SCG3: variants seen among roughly 807,000 people sequenced by gnomAD.
SCG3 encodes secretogranin III.
In SCG3, 38 loss-of-function variants were observed where a neutral mutation model predicts 56.2. The ratio of observed to expected loss-of-function variants is 0.68; its 90% confidence interval spans 0.52 to 0.89. The LOEUF is 0.89. SCG3 is among the 40% of genes least tolerant of loss of function. SCG3 has a pLI of 0.00. For synonymous variants in SCG3, 176 were observed against 184.2 expected (o/e 0.96, Z 0.36); for missense variants, 524 against 540.7 (o/e 0.97, Z 0.31).
At chr15:51,708,628 G>C (rs1209905498) in intron 10 of SCG3, among the ~76,000 whole-genome samples, 1 of 152,136 alleles carries the variant, frequency 6.6e-6, no homozygotes, top group Non-Finnish European at 1.5e-5. Context: ...GGCCGAGGAG[G>C]GCAGATCACG....
chr15:51,697,220 G>C (rs2055309515), intron 8 of SCG3, among the ~76,000 whole-genome samples: 1 of 142,648 alleles, frequency 7.0e-6, no homozygotes, highest in Non-Finnish European at 1.5e-5. Flanking sequence ...ATTACACATA[G>C]TGCTTTGGGG....
intron 1 of SCG3, 26 bp downstream of exon 1, chr15:51,681,863 A>T: frequency 2.5e-6 from 4 of 1,591,022 alleles, no homozygotes; most frequent in Non-Finnish European, 3.4e-6. Flanking sequence ...TCTTCTTCCT[A>T]CCTTCCTTTT....
intron 10 of SCG3, chr15:51,708,097 C>CCCAT (rs1473186867): frequency 2.6e-5 from 4 of 152,202 alleles, no homozygotes; most frequent in African/African-American, 9.7e-5. Context: ...TGGCCCTCCT[C>CCCAT]CCATCTGCTT....
chr15:51,697,303 G>C (rs1392844124), intron 8 of SCG3, among the ~76,000 whole-genome samples: 3 of 152,076 alleles, frequency 2.0e-5, no homozygotes, highest in Non-Finnish European at 4.4e-5. Context: ...AACACCCTGT[G>C]AGTCAGAAAT....
At chr15:51,689,074 C>A in intron 5 of SCG3, 145 bp from the exon 6 acceptor site, 1 of 818,894 alleles carries the variant, frequency 1.2e-6, no homozygotes, top group Non-Finnish European at 2.0e-6. Flanking sequence ...GCATGTGGTG[C>A]AGGCGTAAGT....
chr15:51,700,231 C>T (rs1841560727), intron 9 of SCG3, among the ~76,000 whole-genome samples: 1 of 152,160 alleles, frequency 6.6e-6, no homozygotes, highest in Non-Finnish European at 1.5e-5. Context: ...AAAAAAAATG[C>T]ATCTCTCTAC....
At chr15:51,695,515 A>C (rs2055297047) in intron 7 of SCG3, 1 of 158,632 alleles carries the variant, frequency 6.3e-6, no homozygotes, top group Non-Finnish European at 1.4e-5. Flanking sequence ...ATCTTACCCT[A>C]TATTTCCAAT....
rs762686776 is a variant in SCG3 at position 51,719,574 on chromosome 15, T to C, written c.*48T>C. On this transcript the variant is annotated 3_prime_UTR_variant, in exon 12 of 12. Coordinates refer to ENST00000220478, the MANE Select transcript of SCG3 (RefSeq NM_013243.4). ...CTTTCAACTGTTTCAGAAAACATAATATAGCTTAAAACACTTCTAATTCTG... is the reference window on the plus strand; with the variant it reads ...CTTTCAACTGTTTCAGAAAACATAACATAGCTTAAAACACTTCTAATTCTG... The C allele has an allele frequency of 3.0e-6, 4 of 1,331,390 alleles. No homozygotes were observed. The South Asian group carries it at 4.9e-5, about 16-fold the overall frequency. 82.5% of individuals were successfully genotyped at this position (1,331,390 alleles called of 1,614,324 possible). A position where few individuals can be genotyped will look rare whatever the true frequency, so the allele number is the denominator to read the frequency against.
chr15:51,706,100 A>C (rs1267795238), intron 10 of SCG3, among the ~76,000 whole-genome samples: 4 of 152,216 alleles, frequency 2.6e-5, no homozygotes, highest in African/African-American at 9.7e-5. Flanking sequence ...GTTTCATTGC[A>C]CTTTTCTCAA....
chr15:51,715,744 C>T (rs985510806), intron 11 of SCG3, among the ~76,000 whole-genome samples: 1 of 152,088 alleles, frequency 6.6e-6, no homozygotes, highest in Non-Finnish European at 1.5e-5. Context: ...CCACTGCACA[C>T]AGTAATAGCC....
At chr15:51,694,291 T>C (rs1306137911) in intron 7 of SCG3, among the ~76,000 whole-genome samples, 1 of 151,654 alleles carries the variant, frequency 6.6e-6, no homozygotes, top group Non-Finnish European at 1.5e-5. Flanking sequence ...CATAGCTTCA[T>C]GTGAGAGCCA....
chr15:51,709,699 A>ATTTTTT (rs2055404198), intron 10 of SCG3, among the ~76,000 whole-genome samples: 1 of 18,422 alleles, frequency 5.4e-5, no homozygotes, highest in Non-Finnish European at 8.8e-5. Flanking sequence ...ATATATATAT[A>ATTTTTT]TATTTTTTTT....
Position 51,689,324 on chromosome 15 carries a change from A to G in SCG3, c.646A>G (p.Thr216Ala). The G allele has an allele frequency of 2.5e-6, 4 of 1,614,018 alleles. No homozygotes were observed. Among genetic ancestry groups the G allele is most frequent in the Non-Finnish European group, 3.4e-6 (4 of 1,179,968 alleles). ...TTATGAGGAGGATCCCAATAAGCCCACAAGCTGGACTGAGAATCAGGCTGG... is the reference window on the plus strand; with the variant it reads ...TTATGAGGAGGATCCCAATAAGCCCGCAAGCTGGACTGAGAATCAGGCTGG... ...NNYEEDPNKP[T>A]SWTENQAGKI... The change falls in exon 6 of 12, where the codon ACA becomes GCA. Residue 216 changes from threonine (T) to alanine (A), a missense_variant. Coordinates refer to ENST00000220478, the MANE Select transcript of SCG3 (RefSeq NM_013243.4).
At chr15:51,695,576 T>C (rs1450893122) in intron 7 of SCG3, 1 of 203,224 alleles carries the variant, frequency 4.9e-6, no homozygotes, top group African/African-American at 2.3e-5. Flanking sequence ...GCTATAAATA[T>C]AGAGAAAAAT....
rs772007121 is a variant in SCG3, at chr15:51,692,159, A to T, written c.691A>T (p.Thr231Ser). ...NQAGKIPEKV[T>S]PMAAIQDGLA... ...TTTTATTGATTTTTCCCCACTGGAG[A>T]CTCCAATGGCAGCAATTCAAGATGG... Residue 231 changes from threonine (T) to serine (S), a missense_variant and splice_region_variant, in exon 7 of 12, where the codon ACT (threonine) becomes TCT (serine). By Grantham distance (58) the Thr-to-Ser change is moderately conservative (BLOSUM62 1). Coordinates refer to ENST00000220478, the MANE Select transcript of SCG3 (RefSeq NM_013243.4). The T allele has an allele frequency of 6.2e-7, 1 of 1,600,034 alleles. No individual in the cohort carries two copies. Among genetic ancestry groups the T allele is most frequent in the Non-Finnish European group, 8.5e-7 (1 of 1,173,706 alleles).
chr15:51,681,586 C>T lies in SCG3; in HGVS notation c.-170C>T. 1.6e-6 allele frequency: 1 copy of T among 618,968 alleles called. No homozygotes were observed. Among genetic ancestry groups the T allele is most frequent in the Non-Finnish European group, 2.9e-6 (1 of 344,992 alleles). The allele number at this position is 618,968 out of a possible 1,614,324, so 38.3% of individuals were successfully genotyped here. Reference sequence around the variant, plus strand: ...CCCGCGCGCCCCAACCCTGCTTATCCCTTGACCGTCGAGTGTCAGAGATCC... The same window carrying T: ...CCCGCGCGCCCCAACCCTGCTTATCTCTTGACCGTCGAGTGTCAGAGATCC... On this transcript the variant is annotated 5_prime_UTR_variant, in exon 1 of 12. Coordinates refer to ENST00000220478, the MANE Select transcript of SCG3 (RefSeq NM_013243.4).
chr15:51,707,262 A>G (rs1435257708), intron 10 of SCG3, among the ~76,000 whole-genome samples: 1 of 152,200 alleles, frequency 6.6e-6, no homozygotes, highest in Non-Finnish European at 1.5e-5. Context: ...TAAATATCCT[A>G]TCATCCTCAT....
chr15:51,712,870 C>G (rs935687772), intron 10 of SCG3, among the ~76,000 whole-genome samples: 7 of 152,216 alleles, frequency 4.6e-5, no homozygotes, highest in Admixed American at 4.6e-4. Context: ...GCTGCTTACA[C>G]AAAGCCACAC....
At chr15:51,715,798 A>G (rs1047648386) in intron 11 of SCG3, among the ~76,000 whole-genome samples, 1 of 151,962 alleles carries the variant, frequency 6.6e-6, no homozygotes, top group African/African-American at 2.4e-5. Flanking sequence ...AGAAAGCAAA[A>G]TATTTGCCTG....
Sources: gnomAD v4.1 joint callset for allele counts (sites outside exome capture counted in the v4.1 genomes callset) on GRCh38, gnomAD v4.1.1 for gene constraint, MANE v1.5 for transcripts, NCBI Gene and HGNC (gene_info 2026-07-23, HGNC 2026-07-21) for gene names.